The following SEMA3C variants were observed in gnomAD, a reference collection of about 807,000 sequenced individuals.
The protein encoded by SEMA3C is semaphorin 3C.
Under a neutral mutation model 89.4 loss-of-function variants are expected in SEMA3C, and 47 were observed. The ratio of observed to expected loss-of-function variants is 0.53; its 90% CI spans 0.42 to 0.67. The LOEUF is 0.67. Ranked by LOEUF, SEMA3C falls within the 30% of genes least tolerant of loss-of-function variation. The pLI is 0.00. For synonymous variants in SEMA3C, 310 were observed against 320.2 expected (o/e 0.97, Z 0.34); for missense variants, 839 against 929.1 (o/e 0.90, Z 1.26).
chr7:80,794,390 AT>A (rs1318380646), intron 11 of SEMA3C, among the ~76,000 whole-genome samples: 4 of 152,068 alleles, frequency 2.6e-5, no homozygotes, highest in Non-Finnish European at 4.4e-5. Context: ...GATGTAATTA[AT>A]TTTTCATGTC....
upstream of SEMA3C, among the ~76,000 whole-genome samples, chr7:80,921,160 G>A (rs996038206): frequency 2.0e-5 from 3 of 152,170 alleles, no homozygotes; most frequent in Admixed American, 2.0e-4. Flanking sequence ...ACATTCAGGG[G>A]TTTGGAGGCC....
chr7:80,869,376 TAAA>T, intron 2 of SEMA3C, among the ~76,000 whole-genome samples: 1 of 152,366 alleles, frequency 6.6e-6, no homozygotes, highest in African/African-American at 2.4e-5. Flanking sequence ...GATTGGTTCT[TAAA>T]TGTTAAAGAT....
intron 2 of SEMA3C, among the ~76,000 whole-genome samples, chr7:80,866,374 C>T (rs1277874842): frequency 6.6e-6 from 1 of 151,974 alleles, no homozygotes; most frequent in African/African-American, 2.4e-5. Flanking sequence ...TTAAGAGTTT[C>T]CTAGTTTAAT....
chr7:80,862,497 G>A (rs1790796196), intron 2 of SEMA3C, among the ~76,000 whole-genome samples: 1 of 152,132 alleles, frequency 6.6e-6, no homozygotes, highest in Admixed American at 6.6e-5. Context: ...AATCAATATT[G>A]TGAAAATGAC....
chr7:80,751,099 A>G (rs1045065064), intron 16 of SEMA3C, among the ~76,000 whole-genome samples, 170 bp downstream of exon 16: 1 of 152,214 alleles, frequency 6.6e-6, no homozygotes, highest in African/African-American at 2.4e-5. Context: ...CTCAGTATAC[A>G]TACAAAAAGC....
chr7:80,865,957 A>G (rs10487874), intron 2 of SEMA3C, among the ~76,000 whole-genome samples: 15,640 of 149,858 alleles, frequency 0.1, 1,122 homozygotes, highest in African/African-American at 0.19. Context: ...AACAGTAAAT[A>G]TATTAAGAGG....
intron 10 of SEMA3C, 31 bp downstream of exon 10, chr7:80,800,726 A>C (rs757666101): frequency 2.9e-5 from 38 of 1,319,510 alleles, no homozygotes; most frequent in Admixed American, 4.3e-5. Flanking sequence ...TTTATTGTTT[A>C]ACTCATAAAA....
chr7:80,770,523 G>A lies in SEMA3C; in HGVS notation c.1355-5280C>T, dbSNP rs117759346. The stretch of plus-strand genomic sequence containing the variant: ...ACCTCACTTTGCTATTGTGTAAAAC[G>A]TAAATAATAACCATGCTTTTCATAA... On this transcript the variant is annotated intron_variant, in intron 12 of 17. Transcript: ENST00000265361. Among the ~76,000 whole-genome samples the A allele has an allele frequency of 1.7e-3, 265 of 152,304 alleles. 4 individuals are homozygous for A. Among genetic ancestry groups the A allele is most frequent in the Non-Finnish European group, 2.4e-3 (162 of 68,022 alleles).
intron 2 of SEMA3C, among the ~76,000 whole-genome samples, chr7:80,855,793 C>G (rs1790623688): frequency 6.6e-6 from 1 of 152,096 alleles, no homozygotes; most frequent in Non-Finnish European, 1.5e-5. Flanking sequence ...AATTTGCCTT[C>G]TTTGAAATAT....
chr7:80,812,174 T>C (rs1174098179), intron 5 of SEMA3C, among the ~76,000 whole-genome samples: 1 of 152,170 alleles, frequency 6.6e-6, no homozygotes, highest in African/African-American at 2.4e-5. Flanking sequence ...CATAGTTGTT[T>C]GAGTTTCTAT....
intron 2 of SEMA3C, among the ~76,000 whole-genome samples, chr7:80,854,187 C>G (rs539913070): frequency 2.8e-4 from 42 of 152,254 alleles, no homozygotes; most frequent in Admixed American, 2.7e-3. Context: ...ATCTGGAAGA[C>G]TCTATGTACC....
chr7:80,766,192 A>G (rs979356674), intron 12 of SEMA3C, among the ~76,000 whole-genome samples: 1 of 152,150 alleles, frequency 6.6e-6, no homozygotes, highest in Non-Finnish European at 1.5e-5. Flanking sequence ...TATTTACACA[A>G]TTTTATTTGT....
At chr7:80,836,366 G>A (rs775688186) in intron 2 of SEMA3C, among the ~76,000 whole-genome samples, 5 of 152,070 alleles carry the variant, frequency 3.3e-5, no homozygotes, top group African/African-American at 7.2e-5. Context: ...ACAACTATAC[G>A]CAGGGAACCC....
intron 2 of SEMA3C, among the ~76,000 whole-genome samples, chr7:80,914,278 T>C (rs1792219911): frequency 6.6e-6 from 1 of 152,170 alleles, no homozygotes; most frequent in Non-Finnish European, 1.5e-5. Context: ...TATATTTTGA[T>C]GTTGAGAATA....
Position 80,871,074 on chromosome 7 carries a change from G to A in SEMA3C, c.104-42329C>T, listed in dbSNP as rs532077804. Reference sequence around the variant, plus strand: ...TGTAAATTTGTCATGCCTTACTAATGAGCTAAATTGTGTTTTCTGTCAGTG... The same window carrying A: ...TGTAAATTTGTCATGCCTTACTAATAAGCTAAATTGTGTTTTCTGTCAGTG... On this transcript the variant is annotated intron_variant, in intron 2 of 17. Transcript: ENST00000265361. Among the ~76,000 whole-genome samples the A allele has an allele frequency of 9.3e-4, 142 of 152,284 alleles. 5 individuals are homozygous for A. Among genetic ancestry groups the A allele is most frequent in the Middle Eastern group, 3.4e-3 (1 of 292 alleles).
intron 5 of SEMA3C, among the ~76,000 whole-genome samples, chr7:80,811,574 T>C (rs949384052): frequency 6.6e-6 from 1 of 151,980 alleles, no homozygotes; most frequent in African/African-American, 2.4e-5. Context: ...ACCATTTTAA[T>C]AAGGTCAAAT....
chr7:80,911,262 TA>T (rs1395284012), intron 2 of SEMA3C, among the ~76,000 whole-genome samples: 2 of 152,210 alleles, frequency 1.3e-5, no homozygotes, highest in Non-Finnish European at 2.9e-5. Flanking sequence ...TTGTGGATCT[TA>T]AAACTAATTC....
intron 11 of SEMA3C, among the ~76,000 whole-genome samples, chr7:80,793,101 T>A (rs1004419760): frequency 3.9e-5 from 6 of 152,220 alleles, no homozygotes; most frequent in Non-Finnish European, 1.5e-5. Context: ...TGGTTAAACT[T>A]CTCCTTTAAA....
Position 80,753,299 on chromosome 7 carries a change from G to T in SEMA3C, c.1644-1963C>A, listed in dbSNP as rs573419384. ...TACTGCATAACATTTGCTATATTTT[G>T]AAGTCCAGCATTATTTTCCTACAGC... On this transcript the variant is annotated intron_variant, in intron 15 of 17. Transcript: ENST00000265361. 2.5e-3 allele frequency among the ~76,000 whole-genome samples: 374 copies of T among 152,212 alleles called. 4 individuals carry two copies. Among genetic ancestry groups the T allele is most frequent in the African/African-American group, 7.9e-3 (328 of 41,522 alleles).
Sources: gnomAD v4.1 joint callset for allele counts (sites outside exome capture counted in the v4.1 genomes callset) on GRCh38, gnomAD v4.1.1 for gene constraint, MANE v1.5 for transcripts, NCBI Gene and HGNC (gene_info 2026-07-23, HGNC 2026-07-21) for gene names.